NPIPB2: variants seen among roughly 807,000 people sequenced by gnomAD.
NPIPB2 encodes the protein nuclear pore complex-interacting protein family member B2.
NPIPB2 carries 27 observed loss-of-function variants against 30.8 expected under a neutral mutation model. The observed-to-expected ratio is 0.88, with a 90% CI of 0.65 to 1.21. The LOEUF (loss-of-function observed/expected upper bound fraction) is 1.21. NPIPB2 is among the 50% of genes most tolerant of loss of function. The pLI is 0.00. For synonymous variants in NPIPB2, 147 were observed against 162.0 expected (o/e 0.91, Z 0.70); for missense variants, 440 against 446.2 (o/e 0.99, Z 0.13).
At chr16:11,940,549 G>A (rs950949623) in intron 1 of NPIPB2, among the ~76,000 whole-genome samples, 10 of 116,664 alleles carry the variant, frequency 8.6e-5, no homozygotes, top group South Asian at 5.6e-4. Context: ...CTATCCTGGC[G>A]AACATGGTGA....
chr16:11,948,251 C>A (rs2055030988), intron 1 of NPIPB2, among the ~76,000 whole-genome samples: 2 of 151,874 alleles, frequency 1.3e-5, no homozygotes, highest in Admixed American at 6.6e-5. Flanking sequence ...GTCACCTCAC[C>A]AAACAGAAAT....
chr16:11,971,780 C>T (rs2055237191), intron 1 of NPIPB2, among the ~76,000 whole-genome samples: 1 of 152,110 alleles, frequency 6.6e-6, no homozygotes, highest in African/African-American at 2.4e-5. Flanking sequence ...CAGGTGCGAG[C>T]TACCGTGCTC....
intron 1 of NPIPB2, among the ~76,000 whole-genome samples, chr16:11,962,323 AC>A (rs1184898650): frequency 2.6e-5 from 4 of 151,624 alleles, no homozygotes; most frequent in African/African-American, 9.7e-5. Context: ...ACATGGTGAA[AC>A]CCTGTCTCTA....
intron 1 of NPIPB2, among the ~76,000 whole-genome samples, chr16:11,947,865 GGCTAGC>G (rs2055026890): frequency 6.6e-6 from 1 of 151,218 alleles, no homozygotes; most frequent in Non-Finnish European, 1.5e-5. Context: ...TGGAAGCTGG[GGCTAGC>G]ATCAGTGCCC....
intron 1 of NPIPB2, among the ~76,000 whole-genome samples, chr16:11,975,983 G>C (rs1041621076): frequency 2.0e-5 from 3 of 151,758 alleles, no homozygotes; most frequent in Admixed American, 2.0e-4. Flanking sequence ...GTCTCGCTAC[G>C]TTGCCCAGGC....
intron 1 of NPIPB2, chr16:11,968,567 T>C (rs1055748170): frequency 1.3e-5 from 2 of 152,196 alleles, no homozygotes; most frequent in Non-Finnish European, 2.9e-5. Flanking sequence ...TCCTTAAAAA[T>C]TGTATACCAC....
At chr16:11,931,956 C>T (rs1007860817) in intron 4 of NPIPB2, among the ~76,000 whole-genome samples, 4 of 150,726 alleles carry the variant, frequency 2.7e-5, no homozygotes, top group African/African-American at 9.7e-5. Context: ...AGAAGCACAG[C>T]AGCTTTTGCA....
At chr16:11,966,340 A>G (rs373213400) in intron 1 of NPIPB2, 41 of 1,609,380 alleles carry the variant, frequency 2.5e-5, no homozygotes, top group Non-Finnish European at 3.2e-5. Context: ...TTAAAAACAC[A>G]GGTTGGTTTG....
chr16:11,962,621 A>C lies in NPIPB2; in HGVS notation c.-584+13947T>G, dbSNP rs552394646. Among the ~76,000 whole-genome samples the C allele has an allele frequency of 1.8e-4, 27 of 151,244 alleles. 2 individuals carry two copies. Among genetic ancestry groups the C allele is most frequent in the African/African-American group, 3.9e-4 (16 of 41,364 alleles). On this transcript the variant is annotated intron_variant, in intron 1 of 5. Transcript: ENST00000538896. ...AGCAAGATTCTGTCTCAAAAAAAAA[A>C]AAAAAAAACCAAAAAAAAAGAGGAA...
upstream of NPIPB2, among the ~76,000 whole-genome samples, chr16:11,946,488 G>GT (rs2055011636): frequency 6.6e-6 from 1 of 151,490 alleles, no homozygotes; most frequent in South Asian, 2.1e-4. Flanking sequence ...TGGGGGGATA[G>GT]TTTTAGCCCA....
At chr16:11,964,891 C>G (rs1291319511) in intron 1 of NPIPB2, among the ~76,000 whole-genome samples, 2 of 152,166 alleles carry the variant, frequency 1.3e-5, no homozygotes, top group African/African-American at 4.8e-5. Context: ...AGGGGCACAG[C>G]ACAGACCTTG....
intron 1 of NPIPB2, among the ~76,000 whole-genome samples, chr16:11,961,153 G>A (rs1408788816): frequency 6.6e-6 from 1 of 152,166 alleles, no homozygotes; most frequent in East Asian, 1.9e-4. Flanking sequence ...GTGAGCCACT[G>A]CACCCAGCCT....
exon 4 of NPIPB2, chr16:11,933,589 C>T (rs138738885): frequency 1.7e-4 from 264 of 1,577,280 alleles, no homozygotes; most frequent in Non-Finnish European, 2.1e-4. Flanking sequence ...CTTCATCTTA[C>T]GGATTTTAGC....
At chr16:11,966,451 C>T (rs766298093) in intron 1 of NPIPB2, 65 of 1,130,648 alleles carry the variant, frequency 5.7e-5, no homozygotes, top group Non-Finnish European at 7.7e-5. Flanking sequence ...ACAGCCCTTT[C>T]GAATGTGTTA....
At chr16:11,949,040 G>A (rs2055040236) in intron 1 of NPIPB2, among the ~76,000 whole-genome samples, 1 of 151,794 alleles carries the variant, frequency 6.6e-6, no homozygotes, top group Non-Finnish European at 1.5e-5. Flanking sequence ...TTCTTGTAAG[G>A]GAGGCGGCTG....
upstream of NPIPB2, among the ~76,000 whole-genome samples, chr16:11,946,166 G>A (rs146104960): frequency 5.8e-3 from 887 of 151,938 alleles, 13 homozygotes; most frequent in African/African-American, 0.02. Context: ...CGGGCAGATC[G>A]CCTGAGGTCA....
chr16:11,963,026 C>G lies in NPIPB2; in HGVS notation c.-584+13542G>C, dbSNP rs576936400. On this transcript the variant is annotated intron_variant, in intron 1 of 5. Transcript: ENST00000538896. ...AGGTTGCAGATCGCACTACTGTACC[C>G]CAGCCTGGCAACAGAGGGAGACTCC... Among the ~76,000 whole-genome samples the G allele has an allele frequency of 7.2e-4, 110 of 152,100 alleles. 1 individual carries two copies. The Middle Eastern group carries it at 0.014, about 19-fold the overall frequency.
chr16:11,941,989 A>T (rs1205526765), exon 1 of NPIPB2: 1 of 1,170,984 alleles, frequency 8.5e-7, no homozygotes, highest in Admixed American at 2.0e-5. Context: ...ATACCCAAGC[A>T]GAGTGCCAGG....
At chr16:11,974,466 G>C (rs548853806) in intron 1 of NPIPB2, among the ~76,000 whole-genome samples, 2 of 151,798 alleles carry the variant, frequency 1.3e-5, no homozygotes, top group Non-Finnish European at 2.9e-5. Flanking sequence ...GTAGTGAGCC[G>C]AGATCGCGCC....
Sources: gnomAD v4.1 joint callset for allele counts (sites outside exome capture counted in the v4.1 genomes callset) on GRCh38, gnomAD v4.1.1 for gene constraint, MANE v1.5 for transcripts, NCBI Gene and HGNC (gene_info 2026-07-23, HGNC 2026-07-21) for gene names.